RAD52: variants seen among roughly 807,000 people sequenced by gnomAD.
RAD52 encodes RAD52 DNA repair protein.
In RAD52, 47 loss-of-function variants were observed where a neutral mutation model predicts 55.5. The observed-to-expected ratio is 0.85, with a 90% CI of 0.67 to 1.08. The LOEUF (loss-of-function observed/expected upper bound fraction) is 1.08. Ranked by LOEUF, RAD52 falls within the 50% of genes least tolerant of loss-of-function variation. The pLI is 0.00. For missense variants in RAD52, 468 were observed against 522.8 expected, an observed-to-expected ratio of 0.90 and a Z score of 1.02; for synonymous variants, 184 against 198.9, an observed-to-expected ratio of 0.92 and a Z score of 0.63.
In RAD52 at chr12:958,496, A is replaced by G. The variant is rs529973659; in HGVS notation, c.-18-25420T>C. ...CTTCCATTGTGCTGGGATTACAGGC[A>G]TGAGCCACTGTGCCCACCCAGCCTG... On this transcript the variant is annotated intron_variant, in intron 1 of 11. Transcript: ENST00000430095. Among the ~76,000 whole-genome samples the G allele has an allele frequency of 1.2e-4, 19 of 152,316 alleles. No individual in the cohort carries two copies. In the East Asian group the frequency reaches 1.5e-3, roughly 12 times the overall value.
chr12:935,270 TTAA>T (rs1957552490), intron 1 of RAD52, among the ~76,000 whole-genome samples: 1 of 151,896 alleles, frequency 6.6e-6, no homozygotes, highest in Non-Finnish European at 1.5e-5. Flanking sequence ...GGGAGGAGAC[TTAA>T]TAGAAATGAA....
chr12:989,533 AAAT>A (rs1325219942), intron 1 of RAD52, among the ~76,000 whole-genome samples: 6 of 152,218 alleles, frequency 3.9e-5, no homozygotes, highest in Non-Finnish European at 8.8e-5. Flanking sequence ...GCAGGGCAGG[AAAT>A]AATATTTTTT....
chr12:966,072 G>T (rs1958762888), intron 1 of RAD52, among the ~76,000 whole-genome samples: 1 of 151,972 alleles, frequency 6.6e-6, no homozygotes. Context: ...AACCTCCTGG[G>T]CTCAAGCCAT....
chr12:962,503 C>G (rs1250903576), intron 1 of RAD52, among the ~76,000 whole-genome samples: 1 of 150,256 alleles, frequency 6.7e-6, no homozygotes, highest in Admixed American at 6.6e-5. Context: ...CCACGCCTGG[C>G]TAATTTTTTT....
intron 10 of RAD52, 134 bp downstream of exon 10, chr12:914,297 T>C (rs1956242138): frequency 7.3e-7 from 1 of 1,375,046 alleles, no homozygotes; most frequent in East Asian, 2.5e-5. Flanking sequence ...AAAGAGGAAC[T>C]GGACATATGC....
At chr12:967,260 T>C (rs1270169163) in intron 1 of RAD52, among the ~76,000 whole-genome samples, 1 of 151,594 alleles carries the variant, frequency 6.6e-6, no homozygotes, top group Non-Finnish European at 1.5e-5. Flanking sequence ...CTGCCTGTAG[T>C]CACAGCTATT....
intron 1 of RAD52, among the ~76,000 whole-genome samples, chr12:970,389 C>G (rs898652634): frequency 6.8e-6 from 1 of 146,504 alleles, no homozygotes; most frequent in African/African-American, 2.5e-5. Context: ...GTTTTATTAT[C>G]TCATTTTGCT....
chr12:950,263 C>G (rs11571377), upstream of RAD52, among the ~76,000 whole-genome samples: 5 of 151,966 alleles, frequency 3.3e-5, no homozygotes, highest in Non-Finnish European at 5.9e-5. Context: ...GCTTGGGGGG[C>G]GAAGTCCCCT....
At chr12:927,583 C>T (rs557277265) in intron 5 of RAD52, among the ~76,000 whole-genome samples, 5 of 152,118 alleles carry the variant, frequency 3.3e-5, no homozygotes, top group African/African-American at 9.6e-5. Flanking sequence ...CTGGGATGGC[C>T]GGGCCGGGCG....
chr12:978,464 A>T (rs1397679418), intron 1 of RAD52, among the ~76,000 whole-genome samples: 1 of 152,202 alleles, frequency 6.6e-6, no homozygotes, highest in Non-Finnish European at 1.5e-5. Context: ...ATTTTATATA[A>T]CTAGGTTCAT....
In RAD52 at chr12:912,752, A is replaced by AAC. The variant is rs1956166414; in HGVS notation, c.*638_*639insGT. 5.8e-6 allele frequency: 1 copy of AAC among 171,414 alleles called. No homozygotes were observed. Among genetic ancestry groups the AAC allele is most frequent in the Admixed American group, 6.5e-5 (1 of 15,432 alleles). The allele number at this position is 171,414 out of a possible 1,614,324, so 10.6% of individuals were successfully genotyped here. A position where few individuals can be genotyped will look rare whatever the true frequency, so the allele number is the denominator to read the frequency against. ...AAAAAAAAAAAAAAAAAAACAAAAA[A>AAC]CAGCCTTTTTTCGTGGTCTTAGATG... is the stretch of plus-strand genomic sequence containing the variant. On this transcript the variant is annotated 3_prime_UTR_variant, in exon 12 of 12. Transcript: ENST00000358495.
chr12:981,587 A>C (rs1213711843), intron 1 of RAD52, among the ~76,000 whole-genome samples: 1 of 151,802 alleles, frequency 6.6e-6, no homozygotes, highest in Non-Finnish European at 1.5e-5. Flanking sequence ...GTCCCAAGCA[A>C]ATTCAAAACC....
intron 1 of RAD52, among the ~76,000 whole-genome samples, chr12:963,899 C>T (rs532264900): frequency 6.6e-5 from 10 of 151,736 alleles, no homozygotes; most frequent in Admixed American, 3.9e-4. Flanking sequence ...TCAAATGGAG[C>T]GATTGCTTAG....
At chr12:980,345 G>A (rs1958996830) in intron 1 of RAD52, among the ~76,000 whole-genome samples, 1 of 150,674 alleles carries the variant, frequency 6.6e-6, no homozygotes, top group African/African-American at 2.4e-5. Flanking sequence ...CCAGGCTGGA[G>A]TACAATGGTG....
chr12:941,128 C>A (rs1957897623), intron 1 of RAD52, among the ~76,000 whole-genome samples: 1 of 152,032 alleles, frequency 6.6e-6, no homozygotes, highest in Admixed American at 6.6e-5. Flanking sequence ...ACACCACAGA[C>A]AAACTGCTAA....
chr12:945,529 G>A (rs1592438884), intron 1 of RAD52, among the ~76,000 whole-genome samples: 2 of 151,144 alleles, frequency 1.3e-5, no homozygotes, highest in East Asian at 4.1e-4. Context: ...CACCTCCCAG[G>A]TTCAAGTGAT....
At chr12:959,588 C>A (rs1343326060) in intron 1 of RAD52, among the ~76,000 whole-genome samples, 1 of 152,162 alleles carries the variant, frequency 6.6e-6, no homozygotes, top group Non-Finnish European at 1.5e-5. Context: ...AAACTTCGTA[C>A]ATTTAAATTT....
Position 911,852 on chromosome 12 carries a change from T to C in RAD52, c.*1539A>G, listed in dbSNP as rs1056991821. Reference sequence around the variant, plus strand: ...CTGGCCAACATGGAGAAACCCCGTCTCCTCTACTAAAAATACAAAAATTAG... The same window carrying C: ...CTGGCCAACATGGAGAAACCCCGTCCCCTCTACTAAAAATACAAAAATTAG... On this transcript the variant is annotated 3_prime_UTR_variant, in exon 12 of 12. Coordinates refer to ENST00000358495, the MANE Select transcript of RAD52 (RefSeq NM_134424.4). 1.3e-5 allele frequency among the ~76,000 whole-genome samples: 2 copies of C among 148,824 alleles called. No homozygotes were observed. The highest frequency in any genetic ancestry group is 1.4e-4 in the Admixed American group (2 of 14,498).
rs188100141 is a variant in RAD52, at chr12:912,264, C to T, written c.*1127G>A. The T allele has an allele frequency of 2.5e-5, 5 of 196,832 alleles. No homozygotes were observed. Among genetic ancestry groups the T allele is most frequent in the Admixed American group, 1.2e-4 (2 of 16,452 alleles). The allele number at this position is 196,832 out of a possible 1,614,324, so 12.2% of individuals were successfully genotyped here. A position where few individuals can be genotyped will look rare whatever the true frequency, so the allele number is the denominator to read the frequency against. ...CCACACGTGACCTCGTGTGACAAGT[C>T]GCAAAGCACCAGGCATACAACAGTT... is the stretch of plus-strand genomic sequence containing the variant. On this transcript the variant is annotated 3_prime_UTR_variant, in exon 12 of 12. Coordinates refer to ENST00000358495, the MANE Select transcript of RAD52 (RefSeq NM_134424.4).
Sources: gnomAD v4.1 joint callset for allele counts (sites outside exome capture counted in the v4.1 genomes callset) on GRCh38, gnomAD v4.1.1 for gene constraint, MANE v1.5 for transcripts, NCBI Gene and HGNC (gene_info 2026-07-23, HGNC 2026-07-21) for gene names.